Variants in PDGFRA observed in about 807,000 individuals in gnomAD.
PDGFRA encodes the protein platelet-derived growth factor receptor alpha.
A neutral mutation model predicts 121.5 loss-of-function variants in PDGFRA; 25 were observed. That is an observed-to-expected ratio of 0.21 (90% CI 0.15 to 0.29). PDGFRA has a LOEUF of 0.29. PDGFRA is among the 10% of genes least tolerant of loss of function. PDGFRA has a pLI of 1.00. For missense variants in PDGFRA, 1,008 were observed against 1,345.1 expected (o/e 0.75, Z 3.92); for synonymous variants, 463 against 494.8 (o/e 0.94, Z 0.85).
intron 1 of PDGFRA, among the ~76,000 whole-genome samples, chr4:54,241,581 C>G (rs1305002992): frequency 3.3e-5 from 5 of 151,238 alleles, no homozygotes; most frequent in Admixed American, 2.6e-4. Flanking sequence ...AGGAGTTTTG[C>G]TCTTGTTGCC....
At chr4:54,265,413 C>T (rs140426399) in intron 5 of PDGFRA, 7 of 310,830 alleles carry the variant, frequency 2.3e-5, no homozygotes, top group South Asian at 1.2e-4. Context: ...TGATTCTCAT[C>T]GTCTTGGCTT....
In PDGFRA at chr4:54,261,218, A is replaced by G. The variant is rs1186935022; in HGVS notation, c.173A>G (p.Gln58Arg). ...TTTGGGGAGAGTGAAGTGAGCTGGC[A>G]GTACCCCATGTCTGAAGAAGAGAGC... is the stretch of plus-strand genomic sequence containing the variant. ...RCFGESEVSWQYPMSEEESSD... is the reference protein window; with the variant it reads ...RCFGESEVSWRYPMSEEESSD... The change falls in exon 3 of 23, where the codon CAG becomes CGG. Residue 58 changes from glutamine (Q) to arginine (R), a missense_variant. Coordinates refer to ENST00000257290, the MANE Select transcript of PDGFRA (RefSeq NM_006206.6). The G allele has an allele frequency of 1.9e-6, 3 of 1,614,174 alleles. No individual in the cohort carries two copies. Among genetic ancestry groups the G allele is most frequent in the South Asian group, 1.1e-5 (1 of 91,082 alleles).
intron 1 of PDGFRA, among the ~76,000 whole-genome samples, chr4:54,249,704 G>A (rs940388410): frequency 1.2e-4 from 19 of 152,026 alleles, no homozygotes; most frequent in African/African-American, 4.6e-4. Context: ...GTTAATGGGT[G>A]CAGCACACCA....
chr4:54,255,337 C>A (rs1722301596), intron 1 of PDGFRA, among the ~76,000 whole-genome samples: 1 of 152,134 alleles, frequency 6.6e-6, no homozygotes, highest in Non-Finnish European at 1.5e-5. Context: ...TTCCTGGTGG[C>A]ATTCAATAAA....
At chr4:54,288,739 A>T (rs2110343873) in intron 19 of PDGFRA, 60 bp from the exon 20 acceptor site, 2 of 923,080 alleles carry the variant, frequency 2.2e-6, no homozygotes, top group African/African-American at 3.2e-5. Flanking sequence ...TATCATGCCA[A>T]GTGTTTCAGC....
intron 1 of PDGFRA, among the ~76,000 whole-genome samples, chr4:54,251,760 T>C (rs1416556436): frequency 3.9e-5 from 6 of 152,188 alleles, no homozygotes; most frequent in Admixed American, 3.9e-4. Context: ...GCACCCAACT[T>C]ATACAGGTAT....
At chr4:54,233,377 C>G (rs1720810960) in intron 1 of PDGFRA, among the ~76,000 whole-genome samples, 1 of 152,220 alleles carries the variant, frequency 6.6e-6, no homozygotes, top group South Asian at 2.1e-4. Context: ...AGTCTGCGCG[C>G]AGCACTCCCG....
chr4:54,281,130 C>T (rs1395214781), intron 16 of PDGFRA, among the ~76,000 whole-genome samples: 1 of 152,144 alleles, frequency 6.6e-6, no homozygotes. Context: ...TTATAAACTC[C>T]AGGGAGTCCA....
At chr4:54,240,871 T>C (rs1253801397) in intron 1 of PDGFRA, among the ~76,000 whole-genome samples, 1 of 152,252 alleles carries the variant, frequency 6.6e-6, no homozygotes, top group African/African-American at 2.4e-5. Context: ...TTTGCGTTCC[T>C]ACATTATGGC....
At chr4:54,295,034 G>A (rs1447704171) in intron 22 of PDGFRA, 91 bp from the exon 23 acceptor site, 1 of 1,346,548 alleles carries the variant, frequency 7.4e-7, no homozygotes, top group Admixed American at 1.7e-5. Context: ...AAATTTGAAT[G>A]CCAAAGGCTT....
intron 1 of PDGFRA, among the ~76,000 whole-genome samples, chr4:54,254,548 C>G (rs978394923): frequency 1.6e-4 from 25 of 152,182 alleles, no homozygotes; most frequent in Admixed American, 4.6e-4. Context: ...AGCAGTGAAC[C>G]CTTCTTTTAA....
intron 1 of PDGFRA, chr4:54,230,534 G>A (rs1024567178): frequency 2.0e-5 from 3 of 152,448 alleles, no homozygotes; most frequent in Admixed American, 6.5e-5. Flanking sequence ...AGAGAGGAAA[G>A]GTCTCCAGGA....
rs1722710237 is a variant in PDGFRA at position 54,261,430 on chromosome 4, C to T, written c.367+18C>T. 6.3e-7 allele frequency: 1 copy of T among 1,581,686 alleles called. No individual in the cohort carries two copies. On this transcript the variant is annotated intron_variant, in intron 3 of 22. Coordinates refer to ENST00000257290, the MANE Select transcript of PDGFRA (RefSeq NM_006206.6). ...TGTGCCAGGTGAGTTGGCTGGGTCT[C>T]CAGGACCAAGCTTCTTCTCTTCCTG...
intron 1 of PDGFRA, among the ~76,000 whole-genome samples, chr4:54,242,348 G>A (rs998085318): frequency 6.6e-6 from 1 of 151,960 alleles, no homozygotes; most frequent in Non-Finnish European, 1.5e-5. Context: ...TTGTGTCCAT[G>A]GTTAAGTTAT....
At chr4:54,251,587 A>G (rs559916460) in intron 1 of PDGFRA, among the ~76,000 whole-genome samples, 3 of 152,314 alleles carry the variant, frequency 2.0e-5, no homozygotes, top group East Asian at 3.9e-4. Context: ...TAAGGGATCA[A>G]AGTTGACTTA....
At chr4:54,242,313 C>A (rs771761381) in intron 1 of PDGFRA, among the ~76,000 whole-genome samples, 1 of 151,982 alleles carries the variant, frequency 6.6e-6, no homozygotes, top group African/African-American at 2.4e-5. Flanking sequence ...GTAAAAATTG[C>A]TTGCCATCTC....
intron 2 of PDGFRA, 75 bp from the exon 3 acceptor site, chr4:54,261,020 G>A (rs1722671271): frequency 7.6e-7 from 1 of 1,323,314 alleles, no homozygotes; most frequent in Non-Finnish European, 1.1e-6. Flanking sequence ...AGCTGCTACT[G>A]TTGCTTCTCT....
At chr4:54,281,886 A>C in intron 16 of PDGFRA, 1 of 1,162,652 alleles carries the variant, frequency 8.6e-7, no homozygotes, top group Non-Finnish European at 1.1e-6. Context: ...AGATGCTATC[A>C]CATGTGATTG....
chr4:54,230,942 C>T (rs1327560902), intron 1 of PDGFRA, among the ~76,000 whole-genome samples: 1 of 152,326 alleles, frequency 6.6e-6, no homozygotes, highest in South Asian at 2.1e-4. Context: ...GGGAGGGTGT[C>T]GGCCAGGTCG....
Sources: gnomAD v4.1 joint callset for allele counts (sites outside exome capture counted in the v4.1 genomes callset) on GRCh38, gnomAD v4.1.1 for gene constraint, MANE v1.5 for transcripts, NCBI Gene and HGNC (gene_info 2026-07-23, HGNC 2026-07-21) for gene names.